Variants in STARD9 observed in about 807,000 individuals in gnomAD.
The protein encoded by STARD9 is stAR-related lipid transfer protein 9.
A neutral mutation model predicts 399.8 loss-of-function variants in STARD9; 346 were observed. The ratio of observed to expected loss-of-function variants is 0.87; its 90% CI spans 0.79 to 0.95. The LOEUF is 0.95. Among genes scored for constraint, STARD9 ranks in the 40% least tolerant of loss-of-function variants. The pLI, the probability that STARD9 is intolerant of heterozygous loss-of-function variation, is 0.00. For synonymous variants in STARD9, 2,203 were observed against 2,143.5 expected, an observed-to-expected ratio of 1.03 and a Z score of -0.77; for missense variants, 5,832 against 5,667.5, an observed-to-expected ratio of 1.03 and a Z score of -0.93.
At position 42,638,092 on chromosome 15, in the gene STARD9, G is replaced by T; in HGVS notation, c.446+5G>T. The T allele has an allele frequency of 6.5e-7, 1 of 1,536,414 alleles. No homozygotes were observed. Among genetic ancestry groups the T allele is most frequent in the Non-Finnish European group, 8.7e-7 (1 of 1,146,744 alleles). ...CTCCTGTAGGATAAAAGTAAGGTAA[G>T]AACCTCCCAAGCTCTGGGACCTACA... On this transcript the variant is annotated splice_donor_5th_base_variant and intron_variant, in intron 6 of 32. Transcript: ENST00000290607.
chr15:42,689,243 C>A lies in STARD9; in HGVS notation c.7665C>A (p.Ile2555=). 7.2e-6 allele frequency: 11 copies of A among 1,537,260 alleles called. No individual in the cohort carries two copies. Among genetic ancestry groups the A allele is most frequent in the Non-Finnish European group, 8.7e-6 (10 of 1,146,916 alleles). ...TGTGCCTGGCCATCTTGGAGGAGATCAGACAGGCAAAGGCCCAGAGAAAGC... is the reference window on the plus strand; with the variant it reads ...TGTGCCTGGCCATCTTGGAGGAGATAAGACAGGCAAAGGCCCAGAGAAAGC... ...ASMCLAILEE[I]RQAKAQRKQL... The change falls in exon 23 of 33, where the codon ATC becomes ATA. Residue 2555 remains isoleucine (I), a synonymous_variant. Coordinates refer to ENST00000290607, the MANE Select transcript of STARD9 (RefSeq NM_020759.3).
chr15:42,586,033 A>G (rs1269378098), intron 3 of STARD9, among the ~76,000 whole-genome samples: 1 of 152,184 alleles, frequency 6.6e-6, no homozygotes, highest in East Asian at 1.9e-4. Flanking sequence ...TGGTAGTGAG[A>G]GGTATCACTT....
chr15:42,595,524 T>C (rs2058484862), intron 3 of STARD9, among the ~76,000 whole-genome samples: 1 of 152,224 alleles, frequency 6.6e-6, no homozygotes, highest in African/African-American at 2.4e-5. Flanking sequence ...CTCTGCCTTC[T>C]TGAATTTTGC....
intron 9 of STARD9, among the ~76,000 whole-genome samples, chr15:42,653,560 G>C (rs576866690): frequency 6.6e-6 from 1 of 151,880 alleles, no homozygotes; most frequent in African/African-American, 2.4e-5. Flanking sequence ...GAACAATTAC[G>C]TGATGAATGG....
intron 3 of STARD9, among the ~76,000 whole-genome samples, chr15:42,614,519 T>C (rs1022362541): frequency 4.6e-5 from 7 of 152,178 alleles, no homozygotes; most frequent in Admixed American, 1.3e-4. Flanking sequence ...GTGATGCTGA[T>C]TGCTGGTGAG....
chr15:42,589,884 C>T (rs970580846), intron 3 of STARD9, among the ~76,000 whole-genome samples: 1 of 149,510 alleles, frequency 6.7e-6, no homozygotes, highest in Non-Finnish European at 1.5e-5. Flanking sequence ...GGATTACAGG[C>T]GTGAGCCACC....
At chr15:42,698,193 A>G (rs2060886261) in intron 26 of STARD9, among the ~76,000 whole-genome samples, 2 of 152,214 alleles carry the variant, frequency 1.3e-5, no homozygotes, top group Non-Finnish European at 2.9e-5. Context: ...CAGCAATACT[A>G]CAGTGAATAA....
intron 3 of STARD9, among the ~76,000 whole-genome samples, chr15:42,598,687 C>T (rs1375788128): frequency 1.3e-5 from 2 of 152,068 alleles, no homozygotes; most frequent in African/African-American, 4.8e-5. Flanking sequence ...GCCATCGCCT[C>T]AAACATTTAT....
At chr15:42,654,510 A>G (rs767542336) in intron 9 of STARD9, among the ~76,000 whole-genome samples, 1 of 152,212 alleles carries the variant, frequency 6.6e-6, no homozygotes, top group African/African-American at 2.4e-5. Flanking sequence ...CGCTGACAAC[A>G]TGATTGTATA....
In STARD9 at chr15:42,694,268, G is replaced by A; in HGVS notation, c.12690G>A (p.Val4230=). The part of the protein sequence containing the change: ...GFGEADALLQ[V]LQSGTGEALA... ...GGGAGGCCGATGCCCTGCTCCAGGT[G>A]CTGCAGAGTGGGACAGGGGAGGCGC... Residue 4230 remains valine, a synonymous_variant, in exon 23 of 33, where the codon GTG becomes GTA. Transcript: ENST00000290607. 2.0e-6 allele frequency: 3 copies of A among 1,524,786 alleles called. No individual in the cohort carries two copies. The highest frequency in any genetic ancestry group is 2.6e-6 in the Non-Finnish European group (3 of 1,140,520). 94.5% of individuals were successfully genotyped at this position (1,524,786 alleles called of 1,614,324 possible).
Position 42,712,111 on chromosome 15 carries a change from A to ATTATATATATATTATATATT in STARD9, c.13285-4566_13285-4565insTTATATATATATTATATATT. ...TATATATATATAATATATAATATAT[A>ATTATATATATATTATATATT]ATATATAATATATATATAAATGTGC... On this transcript the variant is annotated intron_variant, in intron 26 of 32. Coordinates refer to ENST00000290607, the MANE Select transcript of STARD9 (RefSeq NM_020759.3). Among the ~76,000 whole-genome samples, 5 of 3,182 alleles carry ATTATATATATATTATATATT rather than the reference A, an allele frequency of 1.6e-3. 1 individual carries two copies. Among genetic ancestry groups the ATTATATATATATTATATATT allele is most frequent in the African/African-American group, 9.5e-3 (5 of 528 alleles). 2.1% of individuals were successfully genotyped at this position (3,182 alleles called of 152,430 possible).
intron 3 of STARD9, among the ~76,000 whole-genome samples, chr15:42,613,958 G>C (rs950434236): frequency 1.3e-5 from 2 of 151,524 alleles, no homozygotes; most frequent in African/African-American, 4.9e-5. Context: ...GAGCAAGACT[G>C]CATCTCGGAA....
intron 26 of STARD9, among the ~76,000 whole-genome samples, chr15:42,698,930 A>G (rs569926939): frequency 5.3e-5 from 8 of 152,110 alleles, no homozygotes; most frequent in Non-Finnish European, 1.0e-4. Flanking sequence ...ACCAAGGCTT[A>G]GAATAGATTC....
chr15:42,615,721 A>C (rs1354074907), intron 3 of STARD9, among the ~76,000 whole-genome samples: 1 of 151,958 alleles, frequency 6.6e-6, no homozygotes, highest in Non-Finnish European at 1.5e-5. Flanking sequence ...AGATTAAAAA[A>C]AAAAAAGGAG....
chr15:42,686,079 G>T lies in STARD9; in HGVS notation c.4501G>T (p.Glu1501Ter). ...YLLELSCPVL[E>*]AIGAPKPAYP... ...CCTTGAACTCTCTTGTCCTGTTTTG[G>T]AGGCCATAGGAGCACCCAAGCCAGC... The change falls in exon 23 of 33, where the codon GAG becomes TAG. Residue 1501 changes from glutamate (E) to a stop codon, truncating the protein, a stop_gained. Coordinates refer to ENST00000290607, the MANE Select transcript of STARD9 (RefSeq NM_020759.3). LOFTEE classifies it high-confidence loss of function. 6.5e-7 allele frequency: 1 copy of T among 1,537,152 alleles called. No individual in the cohort carries two copies. Among genetic ancestry groups the T allele is most frequent in the South Asian group, 1.2e-5 (1 of 84,048 alleles).
At chr15:42,635,132 G>A (rs1258422543) in intron 4 of STARD9, among the ~76,000 whole-genome samples, 160 bp downstream of exon 4, 5 of 151,824 alleles carry the variant, frequency 3.3e-5, no homozygotes, top group Non-Finnish European at 7.4e-5. Flanking sequence ...TCGGCTGGGC[G>A]CAGTGGCTCA....
At chr15:42,665,706 C>T (rs924474133) in intron 14 of STARD9, 80 bp from the exon 15 acceptor site, 1 of 1,126,848 alleles carries the variant, frequency 8.9e-7, no homozygotes, top group Non-Finnish European at 1.3e-6. Flanking sequence ...GCATCTTATC[C>T]TCCTCCACAA....
rs970724011 is a variant in STARD9, at chr15:42,693,809, T to C, written c.12231T>C (p.Ser4077=). The C allele has an allele frequency of 2.0e-6, 3 of 1,536,324 alleles. No homozygotes were observed. Among genetic ancestry groups the C allele is most frequent in the African/African-American group, 2.7e-5 (2 of 73,042 alleles). Reference sequence around the variant, plus strand: ...CACAACGCACTCTGGACCGACCTTCTTCATGGGGAGGCCTCCAGCACCTCA... The same window carrying C: ...CACAACGCACTCTGGACCGACCTTCCTCATGGGGAGGCCTCCAGCACCTCA... The part of the protein sequence containing the change: ...GEPQRTLDRP[S]SWGGLQHLSP... Residue 4077 remains serine (S), a synonymous_variant, in exon 23 of 33, where the codon TCT becomes TCC. Transcript: ENST00000290607.
At chr15:42,716,313 C>T (rs747502275) in intron 26 of STARD9, among the ~76,000 whole-genome samples, 2 of 152,182 alleles carry the variant, frequency 1.3e-5, no homozygotes, top group Non-Finnish European at 2.9e-5. Context: ...CCCCCTCTAG[C>T]CATGGCCTCA....
Sources: gnomAD v4.1 joint callset for allele counts (sites outside exome capture counted in the v4.1 genomes callset) on GRCh38, gnomAD v4.1.1 for gene constraint, MANE v1.5 for transcripts, NCBI Gene and HGNC (gene_info 2026-07-23, HGNC 2026-07-21) for gene names.